NMNAT2: variants seen among roughly 807,000 people sequenced by gnomAD.
NMNAT2 encodes nicotinamide nucleotide adenylyltransferase 2, also known as nicotinamide/nicotinic acid mononucleotide adenylyltransferase 2.
In NMNAT2, 11 loss-of-function variants were observed where a neutral mutation model predicts 41.6. The observed-to-expected ratio is 0.26, with a 90% CI of 0.17 to 0.44. The LOEUF (loss-of-function observed/expected upper bound fraction) is 0.44. Ranked by LOEUF, NMNAT2 falls within the 20% of genes least tolerant of loss-of-function variation. The pLI is 1.00. For missense variants in NMNAT2, 288 were observed against 407.7 expected (o/e 0.71, Z 2.53); for synonymous variants, 148 against 151.2 (o/e 0.98, Z 0.16).
rs534136575 is a variant in NMNAT2 at position 183,376,225 on chromosome 1, T to C, written c.85+41958A>G. 1.4e-3 allele frequency among the ~76,000 whole-genome samples: 220 copies of C among 152,314 alleles called. 1 individual carries two copies. Among genetic ancestry groups the C allele is most frequent in the African/African-American group, 5.1e-3 (212 of 41,580 alleles). The stretch of plus-strand genomic sequence containing the variant: ...ATTAATAATTAATATTCATTATTAA[T>C]CTCATTAGTTGAGAACCTATTAAGT... On this transcript the variant is annotated intron_variant, in intron 1 of 10. Transcript: ENST00000287713.
At chr1:183,402,870 C>G (rs1212856754) in intron 1 of NMNAT2, among the ~76,000 whole-genome samples, 1 of 143,530 alleles carries the variant, frequency 7.0e-6, no homozygotes, top group Admixed American at 7.3e-5. Flanking sequence ...TTTCCTCTTT[C>G]CCATTCCTTT....
In NMNAT2 at chr1:183,368,514, A is replaced by AG. The variant is rs538250741; in HGVS notation, c.85+49668dup. ...GGGGTGTTTGGGGAGAATTACATAA[A>AG]GAAGTCTGAAGATCTGAAGGAGCTC... On this transcript the variant is annotated intron_variant, in intron 1 of 10. Transcript: ENST00000287713. 3.9e-4 allele frequency among the ~76,000 whole-genome samples: 59 copies of AG among 152,314 alleles called. 2 individuals are homozygous for AG. In the East Asian group the frequency reaches 0.011, roughly 27 times the overall value.
intron 1 of NMNAT2, among the ~76,000 whole-genome samples, chr1:183,322,114 C>T (rs1007751003): frequency 2.6e-5 from 4 of 152,114 alleles, no homozygotes; most frequent in Non-Finnish European, 5.9e-5. Flanking sequence ...CATGAGCCAC[C>T]GCACCCAGCC....
chr1:183,306,184 C>A (rs1661989853), intron 1 of NMNAT2, among the ~76,000 whole-genome samples: 1 of 152,040 alleles, frequency 6.6e-6, no homozygotes. Flanking sequence ...ACCTTAGTCC[C>A]CGACAAACTG....
chr1:183,417,626 G>T (rs923132414), intron 1 of NMNAT2, among the ~76,000 whole-genome samples: 2 of 152,156 alleles, frequency 1.3e-5, no homozygotes, highest in Non-Finnish European at 2.9e-5. Flanking sequence ...CCCAAACACT[G>T]GTCCCTGGGC....
chr1:183,319,618 C>G (rs1174147079), intron 1 of NMNAT2, among the ~76,000 whole-genome samples: 1 of 152,172 alleles, frequency 6.6e-6, no homozygotes, highest in East Asian at 1.9e-4. Flanking sequence ...TTCCCTCCTT[C>G]CTTTCTTCCT....
chr1:183,391,863 A>G (rs550242625), intron 1 of NMNAT2, among the ~76,000 whole-genome samples: 7 of 152,170 alleles, frequency 4.6e-5, no homozygotes, highest in Non-Finnish European at 7.3e-5. Flanking sequence ...CTTCCAGGGC[A>G]TCACTGTCTC....
chr1:183,290,850 G>C (rs140973856), intron 3 of NMNAT2: 1 of 152,158 alleles, frequency 6.6e-6, no homozygotes, highest in East Asian at 1.9e-4. Context: ...CAGCCCCTCC[G>C]GGATACTGCT....
At chr1:183,417,983 C>T (rs1364573649) in intron 1 of NMNAT2, among the ~76,000 whole-genome samples, 200 bp downstream of exon 1, 2 of 152,108 alleles carry the variant, frequency 1.3e-5, no homozygotes, top group Non-Finnish European at 2.9e-5. Context: ...GGTCTGGCCC[C>T]GGCAAGTGAC....
chr1:183,338,133 G>A (rs1170620942), intron 1 of NMNAT2, among the ~76,000 whole-genome samples: 4 of 104,764 alleles, frequency 3.8e-5, no homozygotes, highest in Non-Finnish European at 5.6e-5. Context: ...GCAACATAGT[G>A]AGACCCCCAT....
At chr1:183,364,512 T>G (rs1203674043) in intron 1 of NMNAT2, among the ~76,000 whole-genome samples, 1 of 152,162 alleles carries the variant, frequency 6.6e-6, no homozygotes, top group Non-Finnish European at 1.5e-5. Context: ...AGAGAAGGCA[T>G]GAAATACAAT....
At chr1:183,372,973 C>T (rs1439816617) in intron 1 of NMNAT2, among the ~76,000 whole-genome samples, 1 of 152,202 alleles carries the variant, frequency 6.6e-6, no homozygotes, top group Non-Finnish European at 1.5e-5. Flanking sequence ...ATCTTCTAGG[C>T]TCCACATAGG....
At chr1:183,296,679 ATT>A (rs1661708501) in intron 1 of NMNAT2, among the ~76,000 whole-genome samples, 1 of 151,822 alleles carries the variant, frequency 6.6e-6, no homozygotes, top group Non-Finnish European at 1.5e-5. Flanking sequence ...TACCCAGCTA[ATT>A]TTTTTATTTT....
chr1:183,315,143 A>T (rs1571592924), intron 1 of NMNAT2, among the ~76,000 whole-genome samples: 1 of 152,204 alleles, frequency 6.6e-6, no homozygotes, highest in East Asian at 1.9e-4. Flanking sequence ...CTATCTCAAC[A>T]AAAATATGGG....
At chr1:183,285,332 C>G (rs978881289) in intron 5 of NMNAT2, among the ~76,000 whole-genome samples, 3 of 152,196 alleles carry the variant, frequency 2.0e-5, no homozygotes, top group African/African-American at 4.8e-5. Context: ...CACTGGGCAG[C>G]TACACCCACA....
intron 1 of NMNAT2, among the ~76,000 whole-genome samples, chr1:183,407,834 A>C (rs1371499102): frequency 6.6e-6 from 1 of 152,222 alleles, no homozygotes. Flanking sequence ...TTACATTTAA[A>C]GAAGGAGGTA....
intron 1 of NMNAT2, among the ~76,000 whole-genome samples, chr1:183,417,341 C>A: frequency 6.6e-6 from 1 of 152,166 alleles, no homozygotes; most frequent in East Asian, 1.9e-4. Flanking sequence ...CTCCCCCCAA[C>A]ACGCACACGC....
intron 1 of NMNAT2, among the ~76,000 whole-genome samples, chr1:183,332,157 C>T (rs925936833): frequency 6.6e-6 from 1 of 152,222 alleles, no homozygotes; most frequent in African/African-American, 2.4e-5. Flanking sequence ...AAGCACTATG[C>T]ATACCTCCCA....
At chr1:183,304,952 A>C (rs1377157957) in intron 1 of NMNAT2, 1 of 1,218,998 alleles carries the variant, frequency 8.2e-7, no homozygotes, top group African/African-American at 1.5e-5. Flanking sequence ...CCATGCTGAG[A>C]GAACCTCTCA....
Sources: allele counts gnomAD v4.1 joint callset (sites outside exome capture counted in the v4.1 genomes callset), GRCh38; gene constraint gnomAD v4.1.1; transcripts MANE v1.5; gene names NCBI Gene and HGNC (gene_info 2026-07-23, HGNC 2026-07-21).